THADA: variants seen among roughly 807,000 people sequenced by gnomAD.
THADA encodes THADA armadillo repeat containing.
A neutral mutation model predicts 219.8 loss-of-function variants in THADA; 213 were observed. That is an observed-to-expected ratio of 0.97 (90% CI 0.87 to 1.09). The LOEUF is 1.09. Among genes scored for constraint, THADA ranks in the 50% least tolerant of loss-of-function variants. The pLI, the probability that THADA is intolerant of heterozygous loss-of-function variation, is 0.00. For missense variants in THADA, 2,956 were observed against 2,311.3 expected (o/e 1.28, Z -5.72); for synonymous variants, 1,018 against 828.9 (o/e 1.23, Z -3.92).
chr2:43,470,418 GT>G (rs1684777301), intron 26 of THADA, among the ~76,000 whole-genome samples: 1 of 151,996 alleles, frequency 6.6e-6, no homozygotes. Context: ...GAAACGAAAT[GT>G]TTAATAGTAG....
chr2:43,420,028 A>C (rs1243901890), intron 28 of THADA, among the ~76,000 whole-genome samples: 2 of 152,250 alleles, frequency 1.3e-5, no homozygotes, highest in African/African-American at 2.4e-5. Context: ...GTTATGAATC[A>C]TAAAACTCTC....
chr2:43,543,580 G>A lies in THADA; in HGVS notation c.3107-2264C>T, dbSNP rs1337270520. On this transcript the variant is annotated intron_variant, in intron 20 of 37. Transcript: ENST00000405975. ...ATGATTGCCATTCTACCTGGTGTGA[G>A]ATGGTATCTCATTGTGGTTTTGATT... 7.2e-5 allele frequency among the ~76,000 whole-genome samples: 11 copies of A among 152,158 alleles called. No homozygotes were observed. The East Asian group carries it at 2.1e-3, about 29-fold the overall frequency.
chr2:43,492,927 C>T (rs554994070), intron 25 of THADA, among the ~76,000 whole-genome samples: 1 of 152,316 alleles, frequency 6.6e-6, no homozygotes, highest in South Asian at 2.1e-4. Flanking sequence ...GGTCCCTCTT[C>T]CTCTAGGTCA....
At chr2:43,280,014 T>C in intron 35 of THADA, 118 bp from the exon 36 acceptor site, 1 of 1,010,044 alleles carries the variant, frequency 9.9e-7, no homozygotes, top group Middle Eastern at 3.1e-4. Flanking sequence ...CTATCTCTTT[T>C]TTTCTGGGTA....
At chr2:43,390,312 T>C (rs1673208203) in intron 29 of THADA, among the ~76,000 whole-genome samples, 2 of 152,206 alleles carry the variant, frequency 1.3e-5, no homozygotes, top group South Asian at 4.1e-4. Context: ...TTCCTGGCCT[T>C]GTTTATCCAC....
chr2:43,280,631 C>T (rs6714839), intron 35 of THADA, among the ~76,000 whole-genome samples: 2,658 of 151,820 alleles, frequency 0.018, 44 homozygotes, highest in African/African-American at 0.047. Flanking sequence ...ACTCCATCCT[C>T]GCTCCCGACC....
intron 15 of THADA, chr2:43,564,992 C>T (rs911169500): frequency 6.6e-6 from 1 of 151,944 alleles, no homozygotes; most frequent in African/African-American, 2.4e-5. Context: ...ATATAAAAGG[C>T]CATTTGTTGG....
chr2:43,373,885 T>C (rs1671078786), intron 29 of THADA, among the ~76,000 whole-genome samples: 1 of 152,246 alleles, frequency 6.6e-6, no homozygotes, highest in Non-Finnish European at 1.5e-5. Flanking sequence ...TCTAGTTCCC[T>C]TATTAATTAA....
chr2:43,578,595 T>C lies in THADA; in HGVS notation c.734A>G (p.Gln245Arg). ...TAATCCAGATGTGCTCTGTACAGTC[T>C]GTAACAGATCATCTATTTGGCAAAA... Reference protein sequence around the residue: ...TKVLSDDDLLQTVQSTSGLAI... With the variant: ...TKVLSDDDLLRTVQSTSGLAI... Residue 245 changes from glutamine to arginine, a missense_variant, in exon 9 of 38, where the codon CAG (glutamine) becomes CGG (arginine). Coordinates refer to ENST00000405975, the MANE Select transcript of THADA (RefSeq NM_022065.5). 1 of 1,601,440 alleles carries C rather than the reference T, an allele frequency of 6.2e-7. No homozygotes were observed. The highest frequency in any genetic ancestry group is 8.5e-7 in the Non-Finnish European group (1 of 1,173,636).
At chr2:43,334,839 G>A (rs865846769) in intron 30 of THADA, among the ~76,000 whole-genome samples, 1 of 152,084 alleles carries the variant, frequency 6.6e-6, no homozygotes, top group Non-Finnish European at 1.5e-5. Context: ...CTGGGATGGC[G>A]GCCCAGACAA....
chr2:43,467,441 C>T (rs1308107939), intron 26 of THADA, among the ~76,000 whole-genome samples: 4 of 152,010 alleles, frequency 2.6e-5, no homozygotes, highest in Non-Finnish European at 5.9e-5. Context: ...ATGTAAAAGC[C>T]CTTTGTAGCA....
intron 29 of THADA, among the ~76,000 whole-genome samples, chr2:43,348,935 T>C (rs949384723): frequency 6.6e-6 from 1 of 152,106 alleles, no homozygotes; most frequent in African/African-American, 2.4e-5. Flanking sequence ...CTAGCTGTAA[T>C]AGGTCCCTTG....
chr2:43,302,950 T>G (rs1676433005), intron 31 of THADA, among the ~76,000 whole-genome samples: 2 of 150,416 alleles, frequency 1.3e-5, no homozygotes, highest in African/African-American at 4.9e-5. Flanking sequence ...ACTAAGAAAC[T>G]AAAAAAAACT....
At chr2:43,521,530 T>C (rs1232869238) in intron 22 of THADA, among the ~76,000 whole-genome samples, 2 of 152,178 alleles carry the variant, frequency 1.3e-5, no homozygotes, top group African/African-American at 2.4e-5. Context: ...CACTCCAGCC[T>C]GGGCGACAGA....
At chr2:43,447,109 C>T (rs1172567596) in intron 26 of THADA, among the ~76,000 whole-genome samples, 1 of 152,112 alleles carries the variant, frequency 6.6e-6, no homozygotes, top group Non-Finnish European at 1.5e-5. Context: ...TGGTGGAAGA[C>T]ACCTCTTCAC....
At chr2:43,595,904 G>A (rs1208572668) in intron 1 of THADA, 27 bp downstream of exon 1, 1 of 152,342 alleles carries the variant, frequency 6.6e-6, no homozygotes, top group Admixed American at 6.5e-5. Context: ...CCGCGGGTCT[G>A]GCAGGCAGGA....
chr2:43,269,783 C>T (rs558326611), intron 36 of THADA, among the ~76,000 whole-genome samples: 1 of 152,326 alleles, frequency 6.6e-6, no homozygotes, highest in South Asian at 2.1e-4. Context: ...ACCACAATTC[C>T]TAGCCTCTTC....
intron 26 of THADA, 91 bp from the exon 27 acceptor site, chr2:43,430,393 G>T: frequency 1.5e-6 from 1 of 662,784 alleles, no homozygotes; most frequent in Non-Finnish European, 2.5e-6. Flanking sequence ...GATAAGTACG[G>T]TTGTTTGGAT....
Position 43,493,203 on chromosome 2 carries a change from G to C in THADA, c.3744+5630C>G, listed in dbSNP as rs1388504572. 2.0e-5 allele frequency among the ~76,000 whole-genome samples: 3 copies of C among 152,114 alleles called. No homozygotes were observed. In the East Asian group the frequency reaches 5.8e-4, roughly 29 times the overall value. ...GGGGAAGCAAGCTAAATATACACCA[G>C]ATAAAAATATAGGCCAGGCGCAGTG... On this transcript the variant is annotated intron_variant, in intron 25 of 37. Transcript: ENST00000405975.
Sources: gnomAD v4.1 joint callset for allele counts (sites outside exome capture counted in the v4.1 genomes callset) on GRCh38, gnomAD v4.1.1 for gene constraint, MANE v1.5 for transcripts, NCBI Gene and HGNC (gene_info 2026-07-23, HGNC 2026-07-21) for gene names.